Variants in NDUFA8 observed in about 807,000 individuals in gnomAD.
The protein encoded by NDUFA8 is NADH dehydrogenase [ubiquinone] 1 alpha subcomplex subunit 8.
A neutral mutation model predicts 20.9 loss-of-function variants in NDUFA8; 16 were observed. That is an observed-to-expected ratio of 0.77 (90% confidence interval 0.52 to 1.16). The LOEUF (loss-of-function observed/expected upper bound fraction) is 1.16, where lower values mean the gene tolerates loss of function less well. Among genes scored for constraint, NDUFA8 ranks in the 50% most tolerant of loss-of-function variants. The pLI is 0.00. For missense variants in NDUFA8, 202 were observed against 216.4 expected (o/e 0.93, Z 0.42); for synonymous variants, 70 against 76.1 (o/e 0.92, Z 0.41).
the NDUFA8 span, among the ~76,000 whole-genome samples, chr9:122,134,376 C>G: frequency 3.3e-5 from 5 of 152,182 alleles, no homozygotes; most frequent in African/African-American, 7.2e-5. Flanking sequence ...AATGAGATAA[C>G]CTTTCCGAGC....
intron 1 of NDUFA8, among the ~76,000 whole-genome samples, chr9:122,152,960 G>A (rs1005655534): frequency 4.6e-5 from 7 of 152,018 alleles, no homozygotes; most frequent in Non-Finnish European, 1.0e-4. Context: ...TCTGCTGCTG[G>A]AATAAAATTA....
chr9:122,139,371 T>C (rs1391843399), downstream of NDUFA8, among the ~76,000 whole-genome samples: 1 of 152,158 alleles, frequency 6.6e-6, no homozygotes, highest in African/African-American at 2.4e-5. Flanking sequence ...TAGTCACTAT[T>C]ATATTAACCC....
intron 1 of NDUFA8, 81 bp downstream of exon 1, chr9:122,159,546 G>T: frequency 1.9e-6 from 3 of 1,563,846 alleles, no homozygotes; most frequent in Non-Finnish European, 1.8e-6. Flanking sequence ...CCCAGGATCC[G>T]CGGAGCCCAA....
intron 3 of NDUFA8, among the ~76,000 whole-genome samples, chr9:122,146,882 T>C (rs1363752484): frequency 6.6e-6 from 1 of 151,942 alleles, no homozygotes; most frequent in Non-Finnish European, 1.5e-5. Flanking sequence ...GGAGAGAGAG[T>C]AAGACCTGAG....
At chr9:122,153,132 T>A (rs186189865) in intron 1 of NDUFA8, among the ~76,000 whole-genome samples, 386 of 152,074 alleles carry the variant, frequency 2.5e-3, no homozygotes, top group Admixed American at 8.4e-3. Context: ...CTGGGCGTGG[T>A]GGTGCACACC....
chr9:122,143,032 C>T (rs183765930), downstream of NDUFA8, among the ~76,000 whole-genome samples: 17 of 152,292 alleles, frequency 1.1e-4, no homozygotes, highest in Admixed American at 8.5e-4. Context: ...AAAATGCTTC[C>T]GGATGTGGGG....
At chr9:122,150,779 G>A (rs1188362157) in intron 2 of NDUFA8, among the ~76,000 whole-genome samples, 1 of 151,866 alleles carries the variant, frequency 6.6e-6, no homozygotes, top group Non-Finnish European at 1.5e-5. Context: ...AGACCAGCCT[G>A]GCCAACATGC....
Position 122,159,732 on chromosome 9 carries a change from C to T in NDUFA8, c.-55G>A. 1.2e-6 allele frequency: 2 copies of T among 1,612,690 alleles called. No individual in the cohort carries two copies. The highest frequency in any genetic ancestry group is 1.7e-6 in the Non-Finnish European group (2 of 1,179,106). ...GCCCTCAGCCGCGTCGCCCCCGTCT[C>T]CTTGAACTCCCCTTTCGACCGCCGA... On this transcript the variant is annotated 5_prime_UTR_variant, in exon 1 of 4. Transcript: ENST00000373768.
intron 1 of NDUFA8, among the ~76,000 whole-genome samples, chr9:122,159,198 C>T (rs1480029759): frequency 6.6e-6 from 1 of 152,148 alleles, no homozygotes; most frequent in Admixed American, 6.5e-5. Context: ...TTCGTCACCC[C>T]ACTCTATGCA....
At chr9:122,143,999 C>T, downstream of NDUFA8, 1 of 1,244,436 alleles carries the variant, frequency 8.0e-7, no homozygotes, top group Non-Finnish European at 1.0e-6. Context: ...AAGAAAAAAG[C>T]AAGGGGAAGT....
chr9:122,148,219 T>C lies in NDUFA8; in HGVS notation c.274A>G (p.Thr92Ala). 6.2e-7 allele frequency: 1 copy of C among 1,614,188 alleles called. No individual in the cohort carries two copies. The highest frequency in any genetic ancestry group is 8.5e-7 in the Non-Finnish European group (1 of 1,180,036). ...FTEYWTCIDY[T>A]GQQLFRHCRK... ...CAGTGACGAAATAACTGCTGGCCAG[T>C]ATAATCAATGCAAGTCCAATATTCT... Residue 92 changes from threonine (T) to alanine (A), a missense_variant, in exon 3 of 4, where the codon ACT (threonine) becomes GCT (alanine). Thr to Ala is a moderately conservative substitution (Grantham distance 58). Coordinates refer to ENST00000373768, the MANE Select transcript of NDUFA8 (RefSeq NM_014222.3).
chr9:122,136,550 C>T, the NDUFA8 span, among the ~76,000 whole-genome samples: 3 of 151,602 alleles, frequency 2.0e-5, no homozygotes, highest in East Asian at 1.9e-4. Context: ...CAGTTCATAG[C>T]GTTCGTAGAT....
intron 3 of NDUFA8, among the ~76,000 whole-genome samples, chr9:122,146,649 C>A (rs1828909012): frequency 6.6e-6 from 1 of 152,230 alleles, no homozygotes; most frequent in Non-Finnish European, 1.5e-5. Context: ...GTAATCCCAT[C>A]ACACTGGGAG....
chr9:122,136,610 G>A, the NDUFA8 span, among the ~76,000 whole-genome samples: 68,160 of 151,572 alleles, frequency 0.45, 18,314 homozygotes, highest in Middle Eastern at 0.63. Context: ...AGGCTGGAGC[G>A]CAGTGGTGCA....
intron 1 of NDUFA8, among the ~76,000 whole-genome samples, chr9:122,158,488 C>T (rs1347002099): frequency 2.0e-5 from 3 of 152,068 alleles, no homozygotes; most frequent in Non-Finnish European, 4.4e-5. Context: ...TCTGCTAGGC[C>T]GTCTCATTCT....
chr9:122,147,616 A>ATTTT (rs1564408372), intron 3 of NDUFA8, among the ~76,000 whole-genome samples: 3 of 106,070 alleles, frequency 2.8e-5, no homozygotes, highest in African/African-American at 1.3e-4. Context: ...GGCCTAAAGA[A>ATTTT]ATTTTTTTTT....
the NDUFA8 span, among the ~76,000 whole-genome samples, chr9:122,134,588 G>C: frequency 6.6e-6 from 1 of 152,116 alleles, no homozygotes; most frequent in Non-Finnish European, 1.5e-5. Context: ...CAGCTCCCCT[G>C]CCTCTGAGCC....
In NDUFA8 at chr9:122,158,801, A is replaced by ATG. The variant is rs201992558; in HGVS notation, c.51+824_51+825dup. On this transcript the variant is annotated intron_variant, in intron 1 of 3. Transcript: ENST00000373768. ...ATTGTGTGTGTGTATATATATGTGTATGTGTGTGTATATATATATATATCC... is the reference window on the plus strand; with the variant it reads ...ATTGTGTGTGTGTATATATATGTGTATGTGTGTGTGTATATATATATATATCC... Among the ~76,000 whole-genome samples, 323 of 139,804 alleles carry ATG rather than the reference A, an allele frequency of 2.3e-3. 2 individuals carry two copies. Among genetic ancestry groups the ATG allele is most frequent in the African/African-American group, 9.0e-3 (276 of 30,522 alleles). 91.7% of individuals were successfully genotyped at this position (139,804 alleles called of 152,430 possible). A position where few individuals can be genotyped will look rare whatever the true frequency, so the allele number is the denominator to read the frequency against.
chr9:122,134,476 A>C, the NDUFA8 span, among the ~76,000 whole-genome samples: 103,243 of 151,562 alleles, frequency 0.68, 35,699 homozygotes, highest in African/African-American at 0.77. Context: ...AAATGTAGAA[A>C]ACTTGGTGCA....
Sources: gnomAD v4.1 joint callset for allele counts (sites outside exome capture counted in the v4.1 genomes callset) on GRCh38, gnomAD v4.1.1 for gene constraint, MANE v1.5 for transcripts, NCBI Gene and HGNC (gene_info 2026-07-23, HGNC 2026-07-21) for gene names.